The following FGF12 variants were observed in gnomAD, a reference collection of about 807,000 sequenced individuals.
FGF12 encodes fibroblast growth factor 12, also known as fibroblast growth factor 12B.
A neutral mutation model predicts 23.6 loss-of-function variants in FGF12; 14 were observed. The observed-to-expected ratio is 0.59, with a 90% CI of 0.39 to 0.93. The LOEUF (loss-of-function observed/expected upper bound fraction) is 0.93, where lower values mean the gene tolerates loss of function less well. Among genes scored for constraint, FGF12 ranks in the 40% least tolerant of loss-of-function variants. FGF12 has a pLI of 0.00. For missense variants in FGF12, 175 were observed against 217.8 expected (o/e 0.80, Z 1.24); for synonymous variants, 62 against 77.3 (o/e 0.80, Z 1.04).
At chr3:192,567,793 CTTTCT>C (rs1553831695) in intron 2 of FGF12, among the ~76,000 whole-genome samples, 1 of 129,646 alleles carries the variant, frequency 7.7e-6, no homozygotes, top group Admixed American at 7.7e-5. Flanking sequence ...TTCTTTCTTT[CTTTCT>C]TTCTCTTTCT....
chr3:192,187,862 GAAGA>G (rs1003622267), intron 4 of FGF12, among the ~76,000 whole-genome samples: 5 of 152,182 alleles, frequency 3.3e-5, no homozygotes, highest in African/African-American at 1.2e-4. Context: ...AAGGGAAAAG[GAAGA>G]AAGAATAGTA....
chr3:192,335,014 TG>T (rs1478549944), intron 4 of FGF12, among the ~76,000 whole-genome samples: 19 of 152,110 alleles, frequency 1.2e-4, no homozygotes, highest in African/African-American at 4.1e-4. Context: ...TTTTCCTCCC[TG>T]AGCCATCCTC....
At chr3:192,498,901 G>A (rs1255750135) in intron 2 of FGF12, among the ~76,000 whole-genome samples, 1 of 151,154 alleles carries the variant, frequency 6.6e-6, no homozygotes, top group African/African-American at 2.5e-5. Context: ...AGCATCTTCT[G>A]TAAACAGCAT....
chr3:192,635,733 G>A (rs747301163), intron 2 of FGF12, among the ~76,000 whole-genome samples: 87 of 152,158 alleles, frequency 5.7e-4, no homozygotes, highest in Non-Finnish European at 4.4e-4. Flanking sequence ...TGGGGAGGGA[G>A]TTTATTGGAA....
intron 2 of FGF12, among the ~76,000 whole-genome samples, chr3:192,561,180 A>G (rs1465485451): frequency 6.6e-6 from 1 of 152,152 alleles, no homozygotes; most frequent in Non-Finnish European, 1.5e-5. Context: ...ACGCACAGCT[A>G]TATACACAAA....
chr3:192,504,763 A>G (rs1724244394), intron 2 of FGF12, among the ~76,000 whole-genome samples: 2 of 152,154 alleles, frequency 1.3e-5, no homozygotes, highest in South Asian at 2.1e-4. Flanking sequence ...TTCTCAGCAG[A>G]TGAGTCCTCT....
At chr3:192,394,724 T>C (rs1033229673) in intron 2 of FGF12, among the ~76,000 whole-genome samples, 3 of 152,200 alleles carry the variant, frequency 2.0e-5, no homozygotes, top group Admixed American at 1.3e-4. Context: ...CTCTTTTATT[T>C]ATATCTTCCT....
chr3:192,565,085 C>T (rs992808982), intron 2 of FGF12, among the ~76,000 whole-genome samples: 2 of 152,140 alleles, frequency 1.3e-5, no homozygotes, highest in African/African-American at 4.8e-5. Flanking sequence ...TGTTTATTAA[C>T]TAAAAATTTA....
intron 2 of FGF12, among the ~76,000 whole-genome samples, chr3:192,718,516 G>T (rs1718935995): frequency 6.6e-6 from 1 of 152,012 alleles, no homozygotes; most frequent in African/African-American, 2.4e-5. Context: ...CTCTTGTTTT[G>T]CAGATGAAGA....
chr3:192,409,002 G>A lies in FGF12; in HGVS notation c.14-48464C>T. On this transcript the variant is annotated intron_variant, in intron 2 of 5. Transcript: ENST00000445105. This position sits in a 1 kb window ranked among gnomAD's most constrained non-coding sequence, Gnocchi z 4.8. Reference sequence around the variant, plus strand: ...AGTCTGGGTAGGGGCGCGGGGCGGGGGCAGCTGTTTCCAGCTGCGGTGAGA... The same window carrying A: ...AGTCTGGGTAGGGGCGCGGGGCGGGAGCAGCTGTTTCCAGCTGCGGTGAGA... 1 of 984,784 alleles carries A rather than the reference G, an allele frequency of 1.0e-6. No homozygotes were observed. The allele number at this position is 984,784 out of a possible 1,614,324, so 61.0% of individuals were successfully genotyped here.
intron 2 of FGF12, among the ~76,000 whole-genome samples, chr3:192,490,884 G>A (rs2108825958): frequency 6.6e-6 from 1 of 152,278 alleles, no homozygotes; most frequent in Admixed American, 6.5e-5. Flanking sequence ...GGGGAGGGCA[G>A]TGACTGGAAG....
chr3:192,477,869 C>T (rs185993423), intron 2 of FGF12, among the ~76,000 whole-genome samples: 2 of 152,250 alleles, frequency 1.3e-5, no homozygotes, highest in South Asian at 2.1e-4. Flanking sequence ...TCAACAAGAA[C>T]GTTGGTGTTT....
At chr3:192,650,811 T>C (rs1192203737) in intron 2 of FGF12, among the ~76,000 whole-genome samples, 1 of 152,172 alleles carries the variant, frequency 6.6e-6, no homozygotes, top group Non-Finnish European at 1.5e-5. Context: ...GTATGTCCAA[T>C]AGGAAAATTA....
At chr3:192,461,876 G>C (rs1457680833) in intron 2 of FGF12, among the ~76,000 whole-genome samples, 1 of 151,982 alleles carries the variant, frequency 6.6e-6, no homozygotes, top group Non-Finnish European at 1.5e-5. Flanking sequence ...TGTAATTCCA[G>C]CTACTCGGGA....
intron 2 of FGF12, among the ~76,000 whole-genome samples, chr3:192,421,834 T>C (rs1408935963): frequency 6.7e-6 from 1 of 149,174 alleles, no homozygotes; most frequent in Non-Finnish European, 1.5e-5. Flanking sequence ...AAAAAAAGAG[T>C]AAATGACTCA....
intron 2 of FGF12, among the ~76,000 whole-genome samples, chr3:192,577,388 G>A (rs1289168401): frequency 6.6e-6 from 1 of 152,196 alleles, no homozygotes; most frequent in Non-Finnish European, 1.5e-5. Flanking sequence ...GAGTCATTGT[G>A]CTTATCTTCT....
chr3:192,530,318 A>G (rs1310679674), intron 2 of FGF12, among the ~76,000 whole-genome samples: 1 of 152,166 alleles, frequency 6.6e-6, no homozygotes, highest in Admixed American at 6.5e-5. Context: ...GTGAGTATTC[A>G]TACTTCCTTA....
At chr3:192,552,706 C>T (rs1019384031) in intron 2 of FGF12, among the ~76,000 whole-genome samples, 86 of 152,236 alleles carry the variant, frequency 5.6e-4, no homozygotes, top group African/African-American at 1.9e-3. Context: ...GCCTGGCCAA[C>T]ATGGTGAAAT....
chr3:192,404,047 G>C (rs1008559378), intron 2 of FGF12, among the ~76,000 whole-genome samples: 5 of 151,666 alleles, frequency 3.3e-5, no homozygotes, highest in South Asian at 2.1e-4. Flanking sequence ...TTACCATGTA[G>C]TGTAATTCTA....
Sources: gnomAD v4.1 joint callset for allele counts (sites outside exome capture counted in the v4.1 genomes callset) on GRCh38, gnomAD v4.1.1 for gene constraint, Gnocchi (gnomAD v3.1) non-coding constraint, MANE v1.5 for transcripts, NCBI Gene and HGNC (gene_info 2026-07-23, HGNC 2026-07-21) for gene names.